EPHA3: variants seen among roughly 807,000 people sequenced by gnomAD.
EPHA3 encodes ephrin type-A receptor 3.
In EPHA3, 42 loss-of-function variants were observed where a neutral mutation model predicts 107.1. That is an observed-to-expected ratio of 0.39 (90% confidence interval 0.31 to 0.51). EPHA3 has a LOEUF of 0.51. Ranked by LOEUF, EPHA3 falls within the 20% of genes least tolerant of loss-of-function variation. EPHA3 has a pLI of 0.78. For missense variants in EPHA3, 1,183 were observed against 1,211.2 expected, an observed-to-expected ratio of 0.98 and a Z score of 0.35; for synonymous variants, 461 against 424.8, an observed-to-expected ratio of 1.09 and a Z score of -1.05.
chr3:89,114,668 C>T (rs1259778070), intron 1 of EPHA3, among the ~76,000 whole-genome samples: 1 of 152,190 alleles, frequency 6.6e-6, no homozygotes, highest in Non-Finnish European at 1.5e-5. Flanking sequence ...TTTCTGCCCC[C>T]GGGCGGACGG....
chr3:89,321,587 C>G (rs1707044718), intron 3 of EPHA3, among the ~76,000 whole-genome samples: 1 of 152,020 alleles, frequency 6.6e-6, no homozygotes, highest in Admixed American at 6.6e-5. Context: ...AAATGTTTAA[C>G]TTATTACCAA....
chr3:89,286,608 C>T (rs970683300), intron 3 of EPHA3, among the ~76,000 whole-genome samples: 1 of 152,038 alleles, frequency 6.6e-6, no homozygotes, highest in Non-Finnish European at 1.5e-5. Context: ...TAAAATGACA[C>T]AGAGGAGTCA....
intron 2 of EPHA3, among the ~76,000 whole-genome samples, chr3:89,209,446 G>T (rs1706212092): frequency 6.6e-6 from 1 of 151,866 alleles, no homozygotes; most frequent in Non-Finnish European, 1.5e-5. Context: ...CCAAAAACCT[G>T]GCACAAATTG....
chr3:89,390,100 T>C (rs1373882663), intron 5 of EPHA3, among the ~76,000 whole-genome samples: 1 of 152,128 alleles, frequency 6.6e-6, no homozygotes, highest in African/African-American at 2.4e-5. Flanking sequence ...CAAGTGATTC[T>C]CCTGCCTCAG....
In EPHA3 at chr3:89,359,802, C is replaced by T. The variant is rs1336704895; in HGVS notation, c.1306+17712C>T. 2.8e-5 allele frequency among the ~76,000 whole-genome samples: 4 copies of T among 141,378 alleles called. 1 individual carries two copies. Among genetic ancestry groups the T allele is most frequent in the South Asian group, 2.2e-4 (1 of 4,578 alleles). The allele number at this position is 141,378 out of a possible 152,430, so 92.7% of individuals were successfully genotyped here. A position where few individuals can be genotyped will look rare whatever the true frequency, so the allele number is the denominator to read the frequency against. ...ATATACATATATATACATATATACA[C>T]ATATATATACATATATATACATATA... is the stretch of plus-strand genomic sequence containing the variant. On this transcript the variant is annotated intron_variant, in intron 5 of 16. Transcript: ENST00000336596.
intron 15 of EPHA3, 125 bp downstream of exon 15, chr3:89,450,495 G>A: frequency 3.7e-6 from 3 of 813,344 alleles, no homozygotes; most frequent in East Asian, 2.8e-5. Flanking sequence ...CCATATTAGA[G>A]AGATGTATTT....
intron 3 of EPHA3, among the ~76,000 whole-genome samples, chr3:89,332,734 C>A (rs1199885865): frequency 2.6e-5 from 4 of 152,120 alleles, no homozygotes; most frequent in Non-Finnish European, 5.9e-5. Flanking sequence ...TCTGTTTAGT[C>A]AGTGCTGGTT....
At chr3:89,276,752 G>A (rs530277505) in intron 3 of EPHA3, among the ~76,000 whole-genome samples, 30 of 152,156 alleles carry the variant, frequency 2.0e-4, no homozygotes, top group African/African-American at 7.0e-4. Context: ...GGAAGTCTAG[G>A]TTCCCATAGA....
chr3:89,346,712 T>C (rs1356438817), intron 5 of EPHA3, among the ~76,000 whole-genome samples: 8 of 150,604 alleles, frequency 5.3e-5, no homozygotes, highest in African/African-American at 1.9e-4. Context: ...TCCTGAATGG[T>C]ATTGCCTAGG....
chr3:89,199,315 G>T (rs1705914174), intron 2 of EPHA3, among the ~76,000 whole-genome samples: 2 of 152,084 alleles, frequency 1.3e-5, no homozygotes. Flanking sequence ...TGCAATAAGT[G>T]TCCTTTACAT....
intron 3 of EPHA3, among the ~76,000 whole-genome samples, chr3:89,268,843 GT>G (rs1022066878): frequency 1.3e-5 from 2 of 150,284 alleles, no homozygotes; most frequent in African/African-American, 2.4e-5. Flanking sequence ...AATTTTACAA[GT>G]TTTTTTAAAC....
chr3:89,185,243 C>A (rs1306064649), intron 2 of EPHA3, among the ~76,000 whole-genome samples: 2 of 151,794 alleles, frequency 1.3e-5, no homozygotes, highest in African/African-American at 2.4e-5. Flanking sequence ...TATTTATTTT[C>A]TTTTAAAATA....
chr3:89,233,466 C>G (rs1334141539), intron 3 of EPHA3, among the ~76,000 whole-genome samples: 2 of 152,128 alleles, frequency 1.3e-5, no homozygotes, highest in Admixed American at 6.5e-5. Context: ...TTCATCAAAG[C>G]TTTTAAAAAT....
At chr3:89,423,332 G>A (rs1416242858) in intron 11 of EPHA3, among the ~76,000 whole-genome samples, 2 of 151,184 alleles carry the variant, frequency 1.3e-5, no homozygotes, top group African/African-American at 4.8e-5. Context: ...GCTTCCAGTT[G>A]CCTGTTTCCC....
intron 12 of EPHA3, 110 bp from the exon 13 acceptor site, chr3:89,431,040 G>T: frequency 5.5e-6 from 6 of 1,096,630 alleles, no homozygotes; most frequent in Non-Finnish European, 7.8e-6. Flanking sequence ...GGACTAAAGT[G>T]TGTATAGTCA....
rs1490017339 is a variant in EPHA3 at position 89,393,398 on chromosome 3, A to G, written c.1307-2439A>G. On this transcript the variant is annotated intron_variant, in intron 5 of 16. Transcript: ENST00000336596. ...ACAGCCCACAAAGCTTTCATGAAAA[A>G]GTTAATACAATCCTCATCGCAATTG... 2.0e-5 allele frequency among the ~76,000 whole-genome samples: 3 copies of G among 152,234 alleles called. No homozygotes were observed. The East Asian group carries it at 5.8e-4, about 29-fold the overall frequency.
At chr3:89,351,979 T>C (rs1441244868) in intron 5 of EPHA3, among the ~76,000 whole-genome samples, 1 of 149,858 alleles carries the variant, frequency 6.7e-6, no homozygotes, top group Non-Finnish European at 1.5e-5. Context: ...TTGATAGGAC[T>C]TTCCAGGTGC....
chr3:89,300,555 C>G (rs1018148711), intron 3 of EPHA3, among the ~76,000 whole-genome samples: 1 of 151,918 alleles, frequency 6.6e-6, no homozygotes, highest in Admixed American at 6.6e-5. Context: ...AGACACCATG[C>G]TAAACATTTT....
At chr3:89,263,768 C>A (rs1286927463) in intron 3 of EPHA3, among the ~76,000 whole-genome samples, 1 of 152,034 alleles carries the variant, frequency 6.6e-6, no homozygotes, top group Non-Finnish European at 1.5e-5. Flanking sequence ...AGCATTCAAG[C>A]AGGAAAACAG....
Sources: gnomAD v4.1 joint callset for allele counts (sites outside exome capture counted in the v4.1 genomes callset) on GRCh38, gnomAD v4.1.1 for gene constraint, MANE v1.5 for transcripts, NCBI Gene and HGNC (gene_info 2026-07-23, HGNC 2026-07-21) for gene names.